The following DLGAP2 variants were observed in gnomAD, a reference collection of about 807,000 sequenced individuals.
The protein encoded by DLGAP2 is DLG associated protein 2, also known as disks large-associated protein 2.
In DLGAP2, 26 loss-of-function variants were observed where a neutral mutation model predicts 100.3. The observed-to-expected ratio is 0.26, with a 90% CI of 0.19 to 0.36. The LOEUF is 0.36. Ranked by LOEUF, DLGAP2 falls within the 10% of genes least tolerant of loss-of-function variation. The pLI is 1.00. For synonymous variants in DLGAP2, 886 were observed against 630.1 expected (o/e 1.41, Z -6.08); for missense variants, 1,858 against 1,453.2 (o/e 1.28, Z -4.53).
At chr8:1,623,645 C>G (rs1387257467) in intron 6 of DLGAP2, among the ~76,000 whole-genome samples, 2 of 151,810 alleles carry the variant, frequency 1.3e-5, no homozygotes, top group South Asian at 2.1e-4. Flanking sequence ...TGACCTGGCA[C>G]CAGTGTGTGA....
intron 6 of DLGAP2, among the ~76,000 whole-genome samples, chr8:1,597,364 A>G (rs980134149): frequency 7.4e-6 from 1 of 134,314 alleles, no homozygotes; most frequent in Admixed American, 8.2e-5. Flanking sequence ...TTGATTCCAT[A>G]TGAAATTTAA....
rs1334840801 is a variant in DLGAP2 at position 1,407,861 on chromosome 8, C to G, written c.107-93505C>G. ...ATCCTCCGGAGTCGTGTATTGAGTGCTTACTGAGCACCACCTCCTTGTCCT... is the reference window on the plus strand; with the variant it reads ...ATCCTCCGGAGTCGTGTATTGAGTGGTTACTGAGCACCACCTCCTTGTCCT... On this transcript the variant is annotated intron_variant, in intron 3 of 14. Coordinates refer to ENST00000637795, the MANE Select transcript of DLGAP2 (RefSeq NM_001346810.2). Among the ~76,000 whole-genome samples the G allele has an allele frequency of 1.3e-5, 2 of 152,148 alleles. 1 individual carries two copies. Among genetic ancestry groups the G allele is most frequent in the South Asian group, 4.1e-4 (2 of 4,824 alleles).
rs759413533 is a variant in DLGAP2, at chr8:1,173,392, G to A, written c.74-85459G>A. Among the ~76,000 whole-genome samples, 89 of 152,190 alleles carry A rather than the reference G, an allele frequency of 5.8e-4. 1 individual carries two copies. Among genetic ancestry groups the A allele is most frequent in the Admixed American group, 2.9e-3 (45 of 15,282 alleles). The stretch of plus-strand genomic sequence containing the variant: ...TCAGATCTCCAGCTGTGTGCTAGGA[G>A]AACCACTGCTCTCTTCAAAGCTGTC... On this transcript the variant is annotated intron_variant, in intron 2 of 14. Coordinates refer to ENST00000637795, the MANE Select transcript of DLGAP2 (RefSeq NM_001346810.2).
At chr8:1,484,524 C>T (rs1379223474) in intron 3 of DLGAP2, among the ~76,000 whole-genome samples, 2 of 152,200 alleles carry the variant, frequency 1.3e-5, no homozygotes, top group African/African-American at 2.4e-5. Flanking sequence ...GTTTTGATCA[C>T]GACGGCTGAG....
At chr8:1,487,974 A>T (rs573362799) in intron 3 of DLGAP2, among the ~76,000 whole-genome samples, 1 of 152,302 alleles carries the variant, frequency 6.6e-6, no homozygotes, top group South Asian at 2.1e-4. Context: ...GTGAAATCAT[A>T]CCTGTGGAAA....
chr8:1,314,709 C>T lies in DLGAP2; in HGVS notation c.106+55826C>T, dbSNP rs187379037. Among the ~76,000 whole-genome samples the T allele has an allele frequency of 3.2e-3, 488 of 152,306 alleles. 4 individuals are homozygous for T. Among genetic ancestry groups the T allele is most frequent in the African/African-American group, 0.011 (465 of 41,574 alleles). On this transcript the variant is annotated intron_variant, in intron 3 of 14. Transcript: ENST00000637795. ...TGGGGGCCCCTCTCCCACCCCTATC[C>T]GCCTCCTGCTCCGGAGGTCGAGGAC...
chr8:926,700 G>A lies in DLGAP2; in HGVS notation c.73+18734G>A, dbSNP rs1048460579. 4.6e-5 allele frequency among the ~76,000 whole-genome samples: 7 copies of A among 152,214 alleles called. No homozygotes were observed. In the South Asian group the frequency reaches 6.2e-4, roughly 13 times the overall value. On this transcript the variant is annotated intron_variant, in intron 2 of 14. Coordinates refer to ENST00000637795, the MANE Select transcript of DLGAP2 (RefSeq NM_001346810.2). ...TGTGCGGCAGCCGTGGGTGGCCGCC[G>A]AGGGGCTGGCAGCAGCTGAGCCATG...
chr8:997,223 A>G (rs990150179), intron 2 of DLGAP2, among the ~76,000 whole-genome samples: 2 of 152,240 alleles, frequency 1.3e-5, no homozygotes, highest in Non-Finnish European at 2.9e-5. Flanking sequence ...TTAAATTTTC[A>G]GACTGAAATA....
intron 1 of DLGAP2, among the ~76,000 whole-genome samples, chr8:905,597 G>C (rs1375425475): frequency 6.6e-6 from 1 of 152,180 alleles, no homozygotes; most frequent in African/African-American, 2.4e-5. Flanking sequence ...GGCCCTGCCT[G>C]TCCCTGACCC....
chr8:1,369,919 C>T (rs1802197232), intron 3 of DLGAP2: 1 of 152,286 alleles, frequency 6.6e-6, no homozygotes, highest in Non-Finnish European at 1.5e-5. Flanking sequence ...CCGCTGCAGC[C>T]TGAGGAGGTG....
At chr8:1,457,779 C>T (rs1313572264) in intron 3 of DLGAP2, among the ~76,000 whole-genome samples, 1 of 151,882 alleles carries the variant, frequency 6.6e-6, no homozygotes, top group Non-Finnish European at 1.5e-5. Context: ...GGTTGCCCTT[C>T]CTCCCTCCAG....
chr8:814,997 A>G (rs542957592), intron 1 of DLGAP2, among the ~76,000 whole-genome samples: 1 of 152,208 alleles, frequency 6.6e-6, no homozygotes, highest in Non-Finnish European at 1.5e-5. Context: ...AGTGTTAAGC[A>G]TAAAAAGAAC....
chr8:1,655,718 C>G (rs1404735114), intron 8 of DLGAP2, among the ~76,000 whole-genome samples: 1 of 152,218 alleles, frequency 6.6e-6, no homozygotes, highest in African/African-American at 2.4e-5. Flanking sequence ...CAGTAAAATG[C>G]TTTGGTCCAA....
intron 6 of DLGAP2, among the ~76,000 whole-genome samples, chr8:1,614,650 C>G (rs1421341634): frequency 6.6e-6 from 1 of 152,230 alleles, no homozygotes; most frequent in Admixed American, 6.5e-5. Flanking sequence ...GCTGGGCTCC[C>G]CAAACCAACA....
At chr8:1,170,391 G>A (rs1797104324) in intron 2 of DLGAP2, among the ~76,000 whole-genome samples, 1 of 152,118 alleles carries the variant, frequency 6.6e-6, no homozygotes, top group Non-Finnish European at 1.5e-5. Context: ...GATGATGCTG[G>A]CCTCATAAAA....
In DLGAP2 at chr8:1,210,681, G is replaced by A. The variant is rs77064148; in HGVS notation, c.74-48170G>A. Among the ~76,000 whole-genome samples the A allele has an allele frequency of 5.3e-3, 801 of 152,250 alleles. 8 individuals carry two copies. Among genetic ancestry groups the A allele is most frequent in the African/African-American group, 0.018 (763 of 41,552 alleles). ...GGAATATTTTAGAAGTGAGTCTGGG[G>A]CCACTTGAGGCCAAAGAAGGGAAAC... On this transcript the variant is annotated intron_variant, in intron 2 of 14. Transcript: ENST00000637795.
chr8:1,676,736 G>A (rs1044837486), intron 11 of DLGAP2, 118 bp downstream of exon 11: 1 of 986,648 alleles, frequency 1.0e-6, no homozygotes, highest in Non-Finnish European at 1.5e-6. Context: ...TGGAAACAGG[G>A]CCATACGTTT....
At chr8:1,203,496 G>A (rs150278154) in intron 2 of DLGAP2, among the ~76,000 whole-genome samples, 255 of 152,170 alleles carry the variant, frequency 1.7e-3, no homozygotes, top group African/African-American at 5.8e-3. Flanking sequence ...TGCATTTTGC[G>A]TGTCCTGAGT....
At chr8:1,340,574 C>G (rs1801395649) in intron 3 of DLGAP2, among the ~76,000 whole-genome samples, 1 of 152,106 alleles carries the variant, frequency 6.6e-6, no homozygotes, top group South Asian at 2.1e-4. Flanking sequence ...AAAGTGAAAA[C>G]ATAACAGATG....
Sources: allele counts gnomAD v4.1 joint callset (sites outside exome capture counted in the v4.1 genomes callset), GRCh38; gene constraint gnomAD v4.1.1; transcripts MANE v1.5; gene names NCBI Gene and HGNC (gene_info 2026-07-23, HGNC 2026-07-21).